CALN1: variants seen among roughly 807,000 people sequenced by gnomAD.
CALN1 encodes calneuron 1, also known as calcium-binding protein 8.
In CALN1, 17 loss-of-function variants were observed where a neutral mutation model predicts 30.6. That is an observed-to-expected ratio of 0.56 (90% CI 0.38 to 0.83). The LOEUF (loss-of-function observed/expected upper bound fraction) is 0.83. CALN1 is among the 40% of genes least tolerant of loss of function. CALN1 has a pLI of 0.00. For synonymous variants in CALN1, 156 were observed against 131.4 expected, an observed-to-expected ratio of 1.19 and a Z score of -1.28; for missense variants, 291 against 354.9, an observed-to-expected ratio of 0.82 and a Z score of 1.45.
intron 5 of CALN1, among the ~76,000 whole-genome samples, chr7:71,946,466 C>T (rs1028783012): frequency 1.3e-5 from 2 of 150,902 alleles, no homozygotes; most frequent in African/African-American, 4.9e-5. Flanking sequence ...CTCCGGGGCT[C>T]AAGTGATCCT....
At chr7:71,852,632 A>G (rs1235207991) in intron 5 of CALN1, among the ~76,000 whole-genome samples, 1 of 152,134 alleles carries the variant, frequency 6.6e-6, no homozygotes, top group East Asian at 1.9e-4. Flanking sequence ...AGAAACTGCC[A>G]AACAGTTTTC....
upstream of CALN1, among the ~76,000 whole-genome samples, chr7:72,448,710 G>A (rs1202510674): frequency 6.6e-6 from 1 of 151,836 alleles, no homozygotes; most frequent in Non-Finnish European, 1.5e-5. Flanking sequence ...AGTTCAAGCA[G>A]TTCTCCTGCC....
chr7:72,422,705 C>T (rs969577189), intron 1 of CALN1, among the ~76,000 whole-genome samples: 19 of 152,194 alleles, frequency 1.2e-4, no homozygotes, highest in African/African-American at 4.3e-4. Flanking sequence ...CTCACCTTTT[C>T]CTAATTGTTT....
At chr7:72,308,828 A>G (rs1408689294) in intron 2 of CALN1, among the ~76,000 whole-genome samples, 1 of 152,182 alleles carries the variant, frequency 6.6e-6, no homozygotes, top group East Asian at 1.9e-4. Context: ...ATGGAGTGAT[A>G]ATGATTCTAG....
In CALN1 at chr7:71,978,385, C is replaced by A. The variant is rs1798214293; in HGVS notation, c.501+45272G>T. On this transcript the variant is annotated intron_variant, in intron 5 of 6. Transcript: ENST00000395275. ...CTCCTGGGTTCACGCCATTCTCCTGCCTCAGCCTCCCAAGTAGCTGGGACT... is the reference window on the plus strand; with the variant it reads ...CTCCTGGGTTCACGCCATTCTCCTGACTCAGCCTCCCAAGTAGCTGGGACT... 2.7e-5 allele frequency among the ~76,000 whole-genome samples: 4 copies of A among 150,070 alleles called. No individual in the cohort carries two copies. In the South Asian group the frequency reaches 8.5e-4, roughly 32 times the overall value.
chr7:71,917,183 G>A (rs1794723239), intron 5 of CALN1, among the ~76,000 whole-genome samples: 2 of 152,108 alleles, frequency 1.3e-5, no homozygotes, highest in South Asian at 4.2e-4. Context: ...TTGTCTCATG[G>A]CCCATTGATA....
At chr7:72,115,429 T>C (rs2129541828) in intron 3 of CALN1, among the ~76,000 whole-genome samples, 1 of 150,312 alleles carries the variant, frequency 6.7e-6, no homozygotes, top group Non-Finnish European at 1.5e-5. Context: ...TTTACCATCT[T>C]TGCCACTGTT....
chr7:71,982,030 G>C (rs73187044), intron 5 of CALN1, among the ~76,000 whole-genome samples: 10,034 of 152,172 alleles, frequency 0.066, 477 homozygotes, highest in Non-Finnish European at 0.097. Flanking sequence ...CCTTGCCTTT[G>C]GTGTTTTCTC....
Position 71,780,709 on chromosome 7 carries a change from A to AG in CALN1, c.*7065dup, listed in dbSNP as rs1455786964. The AG allele has an allele frequency of 6.6e-6, 1 of 151,920 alleles. No individual in the cohort carries two copies. Among genetic ancestry groups the AG allele is most frequent in the Non-Finnish European group, 1.5e-5 (1 of 67,958 alleles). The allele number at this position is 151,920 out of a possible 1,614,324, so 9.4% of individuals were successfully genotyped here. The stretch of plus-strand genomic sequence containing the variant: ...GTTATAGTGGCCAGAAAAAAAAAAA[A>AG]GCAAAGAAAGAAATAACTGGAAATT... On this transcript the variant is annotated 3_prime_UTR_variant, in exon 7 of 7. Coordinates refer to ENST00000395275, the MANE Select transcript of CALN1 (RefSeq NM_031468.4).
At chr7:72,040,839 A>G (rs561252594) in intron 4 of CALN1, among the ~76,000 whole-genome samples, 1 of 152,306 alleles carries the variant, frequency 6.6e-6, no homozygotes, top group African/African-American at 2.4e-5. Flanking sequence ...AGTAGAAACC[A>G]ACCAAACCAG....
At chr7:72,040,144 A>G (rs1802036504) in intron 4 of CALN1, among the ~76,000 whole-genome samples, 1 of 152,152 alleles carries the variant, frequency 6.6e-6, no homozygotes, top group African/African-American at 2.4e-5. Flanking sequence ...TCCCAAGGAA[A>G]TTCTTTTGCC....
intron 5 of CALN1, among the ~76,000 whole-genome samples, chr7:71,903,748 C>G (rs1437650088): frequency 4.6e-5 from 7 of 152,070 alleles, no homozygotes; most frequent in Non-Finnish European, 7.4e-5. Context: ...AAGGAAACAA[C>G]AGAGTGACAA....
chr7:71,831,247 G>A lies in CALN1; in HGVS notation c.502-20755C>T, dbSNP rs1033659715. 6.6e-5 allele frequency among the ~76,000 whole-genome samples: 10 copies of A among 152,144 alleles called. No homozygotes were observed. In the East Asian group the frequency reaches 1.3e-3, roughly 21 times the overall value. On this transcript the variant is annotated intron_variant, in intron 5 of 6. Coordinates refer to ENST00000395275, the MANE Select transcript of CALN1 (RefSeq NM_031468.4). ...TGTAATCCCAGCATTTTGGAAGGCCGAGGCAGGTGGATCATGAGATCAGGA... is the reference window on the plus strand; with the variant it reads ...TGTAATCCCAGCATTTTGGAAGGCCAAGGCAGGTGGATCATGAGATCAGGA...
At chr7:72,334,418 G>C (rs1009984141) in intron 2 of CALN1, among the ~76,000 whole-genome samples, 1 of 152,084 alleles carries the variant, frequency 6.6e-6, no homozygotes, top group South Asian at 2.1e-4. Context: ...TTCTAAATGC[G>C]ACCCCAGCCC....
At chr7:71,955,755 G>A (rs1430412954) in intron 5 of CALN1, among the ~76,000 whole-genome samples, 17 of 152,016 alleles carry the variant, frequency 1.1e-4, no homozygotes, top group African/African-American at 4.1e-4. Context: ...GTCCTGGAAG[G>A]AGTCAGATTC....
intron 1 of CALN1, among the ~76,000 whole-genome samples, chr7:72,405,561 C>T (rs1428459169): frequency 6.6e-6 from 1 of 152,118 alleles, no homozygotes; most frequent in African/African-American, 2.4e-5. Context: ...CACACCCGTA[C>T]GCCGCTCTCT....
At chr7:72,256,080 G>T (rs1052392668) in intron 3 of CALN1, among the ~76,000 whole-genome samples, 5 of 152,182 alleles carry the variant, frequency 3.3e-5, no homozygotes, top group African/African-American at 1.2e-4. Context: ...CACTTTTCAA[G>T]ATTTCACAAC....
chr7:72,358,290 G>A (rs971484423), intron 2 of CALN1, among the ~76,000 whole-genome samples: 2 of 151,888 alleles, frequency 1.3e-5, no homozygotes, highest in African/African-American at 2.4e-5. Flanking sequence ...CCACTACCAC[G>A]CCTAGCCTTG....
rs146978571 is a variant in CALN1, at chr7:71,893,859, T to A, written c.502-83367A>T. 9.1e-3 allele frequency among the ~76,000 whole-genome samples: 1,379 copies of A among 152,196 alleles called. 25 individuals carry two copies. The highest frequency in any genetic ancestry group is 0.031 in the African/African-American group (1,300 of 41,526). ...CTCTCTGGGAATAGAGGAGCTGACA[T>A]GAAGGCTAAGGAAATAATATTGGTC... On this transcript the variant is annotated intron_variant, in intron 5 of 6. Coordinates refer to ENST00000395275, the MANE Select transcript of CALN1 (RefSeq NM_031468.4).
Sources: gnomAD v4.1 joint callset for allele counts (sites outside exome capture counted in the v4.1 genomes callset) on GRCh38, gnomAD v4.1.1 for gene constraint, MANE v1.5 for transcripts, NCBI Gene and HGNC (gene_info 2026-07-23, HGNC 2026-07-21) for gene names.